The following HNRNPUL1 variants were observed in gnomAD, a reference collection of about 807,000 sequenced individuals.
HNRNPUL1 encodes heterogeneous nuclear ribonucleoprotein U like 1.
In HNRNPUL1, 14 loss-of-function variants were observed where a neutral mutation model predicts 108.5. The ratio of observed to expected loss-of-function variants is 0.13; its 90% CI spans 0.09 to 0.20. The LOEUF (loss-of-function observed/expected upper bound fraction) is 0.20, where lower values mean the gene tolerates loss of function less well. Among genes scored for constraint, HNRNPUL1 ranks in the 10% least tolerant of loss-of-function variants. HNRNPUL1 has a pLI of 1.00. For synonymous variants in HNRNPUL1, 422 were observed against 445.2 expected, an observed-to-expected ratio of 0.95 and a Z score of 0.66; for missense variants, 804 against 1,168.3, an observed-to-expected ratio of 0.69 and a Z score of 4.55.
Position 41,264,566 on chromosome 19 carries a change from C to A in HNRNPUL1, c.63C>A (p.Asp21Glu). 6.5e-7 allele frequency: 1 copy of A among 1,544,986 alleles called. No homozygotes were observed. The highest frequency in any genetic ancestry group is 8.7e-7 in the Non-Finnish European group (1 of 1,151,226). Residue 21 changes from aspartate to glutamate, a missense_variant, in exon 1 of 15, where the codon GAC (aspartate) becomes GAA (glutamate). Physicochemically the swap from Asp to Glu is conservative, Grantham distance 45 (BLOSUM62 2). Coordinates refer to ENST00000392006, the MANE Select transcript of HNRNPUL1 (RefSeq NM_007040.6). ...LREELQRRGL[D>E]TRGLKAELAE... ...AGGAGCTGCAGCGCCGCGGCCTGGA[C>A]ACTCGAGGCCTCAAGGCCGAGCTTG...
chr19:41,266,527 A>G (rs2034857175), intron 1 of HNRNPUL1, among the ~76,000 whole-genome samples: 1 of 152,088 alleles, frequency 6.6e-6, no homozygotes, highest in Non-Finnish European at 1.5e-5. Context: ...TCCTGGGTTC[A>G]GGTGATCTCA....
chr19:41,274,680 T>C (rs1488318956), intron 4 of HNRNPUL1, among the ~76,000 whole-genome samples: 1 of 152,196 alleles, frequency 6.6e-6, no homozygotes, highest in Non-Finnish European at 1.5e-5. Flanking sequence ...AGCCTATGAA[T>C]CTAAATTTTT....
At chr19:41,305,934 C>T (rs771499117) in intron 14 of HNRNPUL1, 67 bp downstream of exon 14, 39 of 1,122,546 alleles carry the variant, frequency 3.5e-5, no homozygotes, top group Non-Finnish European at 4.6e-5. Flanking sequence ...GTGTGTATTC[C>T]CAGACTTAAG....
intron 7 of HNRNPUL1, among the ~76,000 whole-genome samples, chr19:41,288,110 A>G (rs1359421718): frequency 6.6e-6 from 1 of 151,998 alleles, no homozygotes; most frequent in African/African-American, 2.4e-5. Context: ...GATACAGTGT[A>G]AAGTCTTCTT....
intron 7 of HNRNPUL1, among the ~76,000 whole-genome samples, chr19:41,284,558 T>G (rs2036096436): frequency 6.6e-6 from 1 of 151,970 alleles, no homozygotes; most frequent in South Asian, 2.1e-4. Context: ...TAGTCCCAGA[T>G]AGGAGGCTGA....
At chr19:41,276,327 A>G (rs1343760261) in intron 5 of HNRNPUL1, 29 bp downstream of exon 5, 1 of 1,579,558 alleles carries the variant, frequency 6.3e-7, no homozygotes, top group Non-Finnish European at 8.6e-7. Context: ...AGGGGAAGGG[A>G]CAGAGAAGTC....
At chr19:41,305,286 A>G (rs1009479257) in intron 13 of HNRNPUL1, among the ~76,000 whole-genome samples, 1 of 152,224 alleles carries the variant, frequency 6.6e-6, no homozygotes, top group Admixed American at 6.5e-5. Flanking sequence ...AGTAACAACT[A>G]CCACCACCTG....
chr19:41,291,946 A>C, intron 7 of HNRNPUL1: 1 of 350,952 alleles, frequency 2.8e-6, no homozygotes, highest in Non-Finnish European at 5.3e-6. Flanking sequence ...GTGCCACTGC[A>C]CTCAGCCTGG....
At chr19:41,279,426 A>G (rs1052007016) in intron 6 of HNRNPUL1, among the ~76,000 whole-genome samples, 2 of 152,212 alleles carry the variant, frequency 1.3e-5, no homozygotes, top group East Asian at 3.8e-4. Context: ...AGAGGGTCCA[A>G]AATTCTCTTT....
chr19:41,273,966 CCT>C lies in HNRNPUL1; in HGVS notation c.573-15_573-14del, dbSNP rs769361817. The C allele has an allele frequency of 1.4e-5, 23 of 1,606,808 alleles. No homozygotes were observed. Among genetic ancestry groups the C allele is most frequent in the East Asian group, 1.3e-4 (6 of 44,844 alleles). Reference sequence around the variant, plus strand: ...TCCATTGTTCTTGTATGACTTAACCCCTGTTTCTAATACAGGGGCCGCTCTCC... The same window carrying C: ...TCCATTGTTCTTGTATGACTTAACCCGTTTCTAATACAGGGGCCGCTCTCC... On this transcript the variant is annotated splice_polypyrimidine_tract_variant and intron_variant, in intron 3 of 14. Coordinates refer to ENST00000392006, the MANE Select transcript of HNRNPUL1 (RefSeq NM_007040.6).
chr19:41,282,580 A>T (rs914467977), intron 7 of HNRNPUL1, among the ~76,000 whole-genome samples: 27 of 152,090 alleles, frequency 1.8e-4, no homozygotes, highest in Non-Finnish European at 2.9e-4. Flanking sequence ...CATTTGCCAC[A>T]TTTGCTTTAC....
In HNRNPUL1 at chr19:41,289,567, T is replaced by C. The variant is rs934298262; in HGVS notation, c.1000-2678T>C. ...AGCAGGAACAACAACACAACTCCAC[T>C]TGCCTTTTGGACAGATGGCTCTGTT... is the stretch of plus-strand genomic sequence containing the variant. On this transcript the variant is annotated intron_variant, in intron 7 of 14. Transcript: ENST00000392006. Among the ~76,000 whole-genome samples the C allele has an allele frequency of 2.0e-5, 3 of 152,162 alleles. No individual in the cohort carries two copies. The East Asian group carries it at 5.8e-4, about 29-fold the overall frequency.
intron 5 of HNRNPUL1, among the ~76,000 whole-genome samples, chr19:41,277,940 T>G (rs2035669624): frequency 6.6e-6 from 1 of 152,096 alleles, no homozygotes; most frequent in African/African-American, 2.4e-5. Flanking sequence ...AATACGAAAT[T>G]AAGTCAGAAG....
chr19:41,291,943 T>A (rs184796838), intron 7 of HNRNPUL1: 42 of 343,370 alleles, frequency 1.2e-4, no homozygotes, highest in Admixed American at 1.9e-4. Flanking sequence ...GCTGTGCCAC[T>A]GCACTCAGCC....
Position 41,294,773 on chromosome 19 carries a change from T to C in HNRNPUL1, c.1518+87T>C. 2.0e-6 allele frequency: 3 copies of C among 1,514,980 alleles called. No homozygotes were observed. Among genetic ancestry groups the C allele is most frequent in the East Asian group, 2.3e-5 (1 of 44,098 alleles). The allele number at this position is 1,514,980 out of a possible 1,614,324, so 93.8% of individuals were successfully genotyped here. A position where few individuals can be genotyped will look rare whatever the true frequency, so the allele number is the denominator to read the frequency against. On this transcript the variant is annotated intron_variant, in intron 10 of 14. Transcript: ENST00000392006. This position sits in a 1 kb window ranked among gnomAD's most constrained non-coding sequence, Gnocchi z 4.3. Reference sequence around the variant, plus strand: ...ATCTCCCTCTGGTCCCTTTCTTTTTTCCCCCGTAATGATGATGGACTGCTG... The same window carrying C: ...ATCTCCCTCTGGTCCCTTTCTTTTTCCCCCCGTAATGATGATGGACTGCTG...
At chr19:41,264,185 C>T (rs2034655786), upstream of HNRNPUL1, 1 of 276,946 alleles carries the variant, frequency 3.6e-6, no homozygotes. Context: ...GCTCCGGCCT[C>T]GGCTTCGACG....
chr19:41,297,544 T>TCAAAA (rs2036962155), intron 10 of HNRNPUL1, among the ~76,000 whole-genome samples: 2 of 152,332 alleles, frequency 1.3e-5, no homozygotes, highest in Non-Finnish European at 2.9e-5. Context: ...CTTTCTGGCC[T>TCAAAA]TGTCCCAGAG....
At chr19:41,295,102 A>G (rs958423518) in intron 10 of HNRNPUL1, among the ~76,000 whole-genome samples, 1 of 152,238 alleles carries the variant, frequency 6.6e-6, no homozygotes, top group African/African-American at 2.4e-5. Context: ...CCCCTAACGC[A>G]GGACCTGGCA....
At chr19:41,270,013 G>C (rs942388264) in intron 2 of HNRNPUL1, among the ~76,000 whole-genome samples, 6 of 150,782 alleles carry the variant, frequency 4.0e-5, no homozygotes, top group African/African-American at 1.5e-4. Flanking sequence ...ACGAAGTCTC[G>C]CTCTTGTTCC....
Sources: gnomAD v4.1 joint callset for allele counts (sites outside exome capture counted in the v4.1 genomes callset) on GRCh38, gnomAD v4.1.1 for gene constraint, Gnocchi (gnomAD v3.1) non-coding constraint, MANE v1.5 for transcripts, NCBI Gene and HGNC (gene_info 2026-07-23, HGNC 2026-07-21) for gene names.